KDM4C: variants seen among roughly 807,000 people sequenced by gnomAD.
The protein encoded by KDM4C is lysine-specific demethylase 4C.
A neutral mutation model predicts 129.3 loss-of-function variants in KDM4C; 81 were observed. The ratio of observed to expected loss-of-function variants is 0.63; its 90% CI spans 0.52 to 0.75. The LOEUF is 0.75. Ranked by LOEUF, KDM4C falls within the 30% of genes least tolerant of loss-of-function variation. The pLI, the probability that KDM4C is intolerant of heterozygous loss-of-function variation, is 0.00. For missense variants in KDM4C, 1,457 were observed against 1,304.0 expected (o/e 1.12, Z -1.81); for synonymous variants, 573 against 456.1 (o/e 1.26, Z -3.26).
intron 12 of KDM4C, among the ~76,000 whole-genome samples, chr9:7,009,222 G>C (rs1034408084): frequency 1.3e-5 from 2 of 152,160 alleles, no homozygotes; most frequent in Non-Finnish European, 2.9e-5. Context: ...AACATATTCT[G>C]GAGGTAAAGA....
At chr9:7,035,266 G>C (rs1009901442) in intron 15 of KDM4C, among the ~76,000 whole-genome samples, 1 of 148,426 alleles carries the variant, frequency 6.7e-6, no homozygotes, top group African/African-American at 2.5e-5. Context: ...CTCCCGCCTT[G>C]GCCTCTCAAA....
intron 8 of KDM4C, among the ~76,000 whole-genome samples, chr9:6,963,451 G>C (rs1355695776): frequency 2.0e-5 from 3 of 152,162 alleles, no homozygotes; most frequent in African/African-American, 7.2e-5. Flanking sequence ...AACTAATTAT[G>C]ACCAGTAGTA....
Position 7,091,102 on chromosome 9 carries a change from C to G in KDM4C, c.2425-12583C>G, listed in dbSNP as rs536216689. ...ATTGCTTGGGGGCTCTATTTTTAAT[C>G]TGATCTTCTGTTGAGTTCATGAATA... On this transcript the variant is annotated intron_variant, in intron 17 of 21. Coordinates refer to ENST00000381309, the MANE Select transcript of KDM4C (RefSeq NM_015061.6). 9.9e-5 allele frequency among the ~76,000 whole-genome samples: 15 copies of G among 152,266 alleles called. 1 individual carries two copies. In the South Asian group the frequency reaches 2.9e-3, roughly 30 times the overall value.
intron 14 of KDM4C, 96 bp from the exon 15 acceptor site, chr9:7,015,757 G>C (rs1169637474): frequency 3.9e-6 from 3 of 771,990 alleles, no homozygotes; most frequent in Non-Finnish European, 6.6e-6. Flanking sequence ...AGTATGGTAG[G>C]CTAGTGTCCC....
chr9:6,752,185 T>G, intron 1 of KDM4C, among the ~76,000 whole-genome samples: 1 of 149,920 alleles, frequency 6.7e-6, no homozygotes, highest in South Asian at 2.1e-4. Context: ...TACAAAAAAT[T>G]AGCCGGGCAT....
chr9:7,032,727 C>T (rs1826983828), intron 15 of KDM4C, among the ~76,000 whole-genome samples: 1 of 152,186 alleles, frequency 6.6e-6, no homozygotes, highest in South Asian at 2.1e-4. Context: ...CATTCCCAGG[C>T]CTTGCCTCCT....
chr9:6,748,629 T>A (rs1817963046), intron 1 of KDM4C: 1 of 797,260 alleles, frequency 1.3e-6, no homozygotes, highest in Admixed American at 1.8e-5. Context: ...TATGAATAAA[T>A]GTTCATATTG....
At position 6,865,107 on chromosome 9, in the gene KDM4C, C is replaced by G. The variant is rs539748833; in HGVS notation, c.630-14905C>G. Among the ~76,000 whole-genome samples the G allele has an allele frequency of 3.4e-4, 51 of 149,686 alleles. 1 individual carries two copies. Among genetic ancestry groups the G allele is most frequent in the Admixed American group, 2.7e-3 (40 of 14,852 alleles). On this transcript the variant is annotated intron_variant, in intron 5 of 21. Transcript: ENST00000381309. Reference sequence around the variant, plus strand: ...CACTGCAAGCTCTGCCTCCCGGGTTCAAGCAATTCTCCTGCTTCAGCCTCC... The same window carrying G: ...CACTGCAAGCTCTGCCTCCCGGGTTGAAGCAATTCTCCTGCTTCAGCCTCC...
At chr9:6,842,312 C>CTTT (rs759138371) in intron 4 of KDM4C, among the ~76,000 whole-genome samples, 102 of 97,862 alleles carry the variant, frequency 1.0e-3, no homozygotes, top group Non-Finnish European at 1.5e-3. Context: ...ATCCACATTT[C>CTTT]TTTTTTTTTT....
intron 6 of KDM4C, among the ~76,000 whole-genome samples, chr9:6,883,437 A>C (rs547898605): frequency 6.6e-6 from 1 of 152,318 alleles, no homozygotes; most frequent in South Asian, 2.1e-4. Flanking sequence ...ATTTTCGTCT[A>C]TCAGCTGGAT....
intron 17 of KDM4C, among the ~76,000 whole-genome samples, chr9:7,081,818 A>G (rs1346360423): frequency 6.6e-6 from 1 of 152,188 alleles, no homozygotes; most frequent in Non-Finnish European, 1.5e-5. Context: ...ATGGTAGAAG[A>G]TAGACCAGGT....
intron 1 of KDM4C, among the ~76,000 whole-genome samples, chr9:6,777,708 C>T (rs557440092): frequency 1.5e-4 from 23 of 149,740 alleles, no homozygotes; most frequent in African/African-American, 4.7e-4. Flanking sequence ...CTTGGTTCAC[C>T]GCAACCTCCA....
rs1323162994 is a variant in KDM4C, at chr9:7,149,600, G to A, written c.2782-15638G>A. 4.6e-5 allele frequency among the ~76,000 whole-genome samples: 7 copies of A among 152,222 alleles called. No homozygotes were observed. The South Asian group carries it at 6.2e-4, about 14-fold the overall frequency. Reference sequence around the variant, plus strand: ...CAGTGGCTGCTTCAGACAGGCCGCCGCCACCAGTAGTAATGAATACTGGAA... The same window carrying A: ...CAGTGGCTGCTTCAGACAGGCCGCCACCACCAGTAGTAATGAATACTGGAA... On this transcript the variant is annotated intron_variant, in intron 19 of 21. Coordinates refer to ENST00000381309, the MANE Select transcript of KDM4C (RefSeq NM_015061.6).
intron 17 of KDM4C, among the ~76,000 whole-genome samples, chr9:7,060,014 TG>T (rs1831394316): frequency 6.6e-6 from 1 of 152,142 alleles, no homozygotes; most frequent in Non-Finnish European, 1.5e-5. Context: ...TGAAAACCAC[TG>T]GAATAGAGAG....
intron 4 of KDM4C, among the ~76,000 whole-genome samples, chr9:6,831,724 G>A (rs1475339569): frequency 6.6e-6 from 1 of 152,142 alleles, no homozygotes; most frequent in African/African-American, 2.4e-5. Context: ...GGAAGGAAGA[G>A]GGAGGAAGAG....
intron 1 of KDM4C, among the ~76,000 whole-genome samples, chr9:6,784,043 A>C (rs548137727): frequency 6.6e-6 from 1 of 152,274 alleles, no homozygotes; most frequent in Non-Finnish European, 1.5e-5. Context: ...AGCTCATGGA[A>C]GATATTTAAT....
At chr9:6,776,598 CTTTTT>C (rs34450311) in intron 1 of KDM4C, among the ~76,000 whole-genome samples, 5 of 106,194 alleles carry the variant, frequency 4.7e-5, no homozygotes, top group African/African-American at 1.4e-4. Context: ...CTCAAACCCA[CTTTTT>C]TTTTTTTTTT....
chr9:6,894,100 C>G (rs531567195), intron 8 of KDM4C, among the ~76,000 whole-genome samples: 292 of 152,328 alleles, frequency 1.9e-3, no homozygotes, highest in African/African-American at 6.7e-3. Flanking sequence ...ATCATTCATT[C>G]TACACTGATA....
At chr9:6,994,787 C>G (rs762056775) in intron 12 of KDM4C, among the ~76,000 whole-genome samples, 1 of 152,102 alleles carries the variant, frequency 6.6e-6, no homozygotes, top group Non-Finnish European at 1.5e-5. Context: ...TTTTAATTAC[C>G]AATATAAATG....
Sources: gnomAD v4.1 joint callset for allele counts (sites outside exome capture counted in the v4.1 genomes callset) on GRCh38, gnomAD v4.1.1 for gene constraint, MANE v1.5 for transcripts, NCBI Gene and HGNC (gene_info 2026-07-23, HGNC 2026-07-21) for gene names.